Variants in MRPL42 observed in about 807,000 individuals in gnomAD.
MRPL42 encodes the protein mitochondrial ribosomal protein L42.
MRPL42 carries 17 observed loss-of-function variants against 17.9 expected under a neutral mutation model. That is an observed-to-expected ratio of 0.95 (90% confidence interval 0.65 to 1.42). The LOEUF (loss-of-function observed/expected upper bound fraction) is 1.42. Ranked by LOEUF, MRPL42 falls within the 40% of genes most tolerant of loss-of-function variation. The pLI is 0.00. For synonymous variants in MRPL42, 59 were observed against 54.4 expected, an observed-to-expected ratio of 1.08 and a Z score of -0.37; for missense variants, 177 against 175.2, an observed-to-expected ratio of 1.01 and a Z score of -0.06.
intron 5 of MRPL42, among the ~76,000 whole-genome samples, chr12:93,499,611 A>T (rs1269628002): frequency 6.6e-6 from 1 of 152,100 alleles, no homozygotes; most frequent in East Asian, 1.9e-4. Context: ...AACCTTTTAG[A>T]AAAAAACAGA....
In MRPL42 at chr12:93,502,009, C is replaced by T. The variant is rs1316561956; in HGVS notation, c.*788C>T. 3 of 150,872 alleles carry T rather than the reference C, an allele frequency of 2.0e-5. No homozygotes were observed. The highest frequency in any genetic ancestry group is 1.5e-5 in the Non-Finnish European group (1 of 67,494). 9.3% of individuals were successfully genotyped at this position (150,872 alleles called of 1,614,324 possible). A position where few individuals can be genotyped will look rare whatever the true frequency, so the allele number is the denominator to read the frequency against. On this transcript the variant is annotated 3_prime_UTR_variant, in exon 6 of 6. Transcript: ENST00000549982. ...ATTTTACAGTGACTCGAACCTTACC[C>T]AAACAAGTGGGAGAGCCAGGAGCCA... is the stretch of plus-strand genomic sequence containing the variant.
At chr12:93,490,412 G>T (rs1953389797) in intron 5 of MRPL42, among the ~76,000 whole-genome samples, 1 of 152,046 alleles carries the variant, frequency 6.6e-6, no homozygotes, top group South Asian at 2.1e-4. Flanking sequence ...TCCTAATAAA[G>T]AGCTTGGCAG....
At chr12:93,482,143 G>T (rs1461679760) in intron 4 of MRPL42, among the ~76,000 whole-genome samples, 5 of 152,118 alleles carry the variant, frequency 3.3e-5, no homozygotes, top group Non-Finnish European at 7.4e-5. Context: ...GCTGTATTAG[G>T]TGAGCTCTCC....
chr12:93,494,405 T>G (rs967835727), intron 5 of MRPL42, among the ~76,000 whole-genome samples: 1 of 152,134 alleles, frequency 6.6e-6, no homozygotes, highest in Admixed American at 6.5e-5. Flanking sequence ...ATTTTGGAGA[T>G]AGAGCTAACA....
rs1470649479 is a variant in MRPL42, at chr12:93,508,996, T to C, written c.*7775T>C. 6.6e-6 allele frequency: 1 copy of C among 152,150 alleles called. No homozygotes were observed. 9.4% of individuals were successfully genotyped at this position (152,150 alleles called of 1,614,324 possible). ...TGAGGTCAGGAGTTTGAGACCAGCC[T>C]AGCTAACATGGTGAAACCCCGTCTC... On this transcript the variant is annotated 3_prime_UTR_variant, in exon 6 of 6. Coordinates refer to ENST00000549982, the MANE Select transcript of MRPL42 (RefSeq NM_014050.4).
At chr12:93,473,682 C>T (rs540500964) in intron 2 of MRPL42, among the ~76,000 whole-genome samples, 108 of 152,262 alleles carry the variant, frequency 7.1e-4, no homozygotes, top group African/African-American at 2.6e-3. Context: ...CTACCCACCT[C>T]AGCCTCCCAA....
chr12:93,470,519 A>G, intron 2 of MRPL42: 3 of 1,293,722 alleles, frequency 2.3e-6, no homozygotes, highest in Non-Finnish European at 3.1e-6. Flanking sequence ...TGTTACGTGG[A>G]TGTATTACAT....
chr12:93,506,260 C>CTTTTTGTTT lies in MRPL42; in HGVS notation c.*5044_*5045insGTTTTTTTT, dbSNP rs1953668044. On this transcript the variant is annotated 3_prime_UTR_variant, in exon 6 of 6. Transcript: ENST00000549982. ...AGTCTTCAATTCAGCAAGAATGTCT[C>CTTTTTGTTT]TTTTTTTTTTTTTTTTTTTTTTGGG... The CTTTTTGTTT allele has an allele frequency of 1.1e-5, 1 of 87,860 alleles. No homozygotes were observed. The highest frequency in any genetic ancestry group is 2.0e-5 in the Non-Finnish European group (1 of 49,746). The allele number at this position is 87,860 out of a possible 1,614,324, so 5.4% of individuals were successfully genotyped here.
intron 2 of MRPL42, chr12:93,470,493 C>T (rs779911909): frequency 1.2e-4 from 150 of 1,283,852 alleles, no homozygotes; most frequent in Non-Finnish European, 1.4e-4. Flanking sequence ...TAGATTCGGG[C>T]GTACATGTGC....
intron 1 of MRPL42, among the ~76,000 whole-genome samples, chr12:93,468,239 G>T (rs774491617): frequency 1.6e-4 from 24 of 152,184 alleles, no homozygotes; most frequent in Middle Eastern, 6.3e-3. Flanking sequence ...GGCAGTGCAA[G>T]GTATCAGTGT....
chr12:93,499,858 G>C (rs919297014), intron 5 of MRPL42, among the ~76,000 whole-genome samples: 9 of 152,206 alleles, frequency 5.9e-5, no homozygotes, highest in African/African-American at 1.9e-4. Flanking sequence ...AACAACTAAA[G>C]ATCACAGGGT....
chr12:93,470,468 T>G (rs1459477292), intron 2 of MRPL42: 2 of 1,277,808 alleles, frequency 1.6e-6, no homozygotes, highest in East Asian at 5.6e-5. Context: ...AACTTTTTAT[T>G]TTTATTTTTT....
In MRPL42 at chr12:93,511,125, ATTC is replaced by A. The variant is rs1953721885; in HGVS notation, c.*9908_*9910del. The A allele has an allele frequency of 2.0e-5, 3 of 152,338 alleles. No individual in the cohort carries two copies. The highest frequency in any genetic ancestry group is 3.4e-3 in the Middle Eastern group (1 of 294). The allele number at this position is 152,338 out of a possible 1,614,324, so 9.4% of individuals were successfully genotyped here. Reference sequence around the variant, plus strand: ...TGTTCTAGTTTTACTCATAAATATAATTCTTCATATACTGAGTTCAGTTTTTTA... The same window carrying A: ...TGTTCTAGTTTTACTCATAAATATAATTCATATACTGAGTTCAGTTTTTTA... On this transcript the variant is annotated 3_prime_UTR_variant, in exon 6 of 6. Coordinates refer to ENST00000549982, the MANE Select transcript of MRPL42 (RefSeq NM_014050.4).
At position 93,479,719 on chromosome 12, in the gene MRPL42, T is replaced by C. The variant is rs529012606; in HGVS notation, c.219+247T>C. ...GCATCAGTTTTCTGGTCTAAAAAAT[T>C]TGGTAGATTTCTGGTTAAGGATCAA... On this transcript the variant is annotated intron_variant, in intron 4 of 5. Transcript: ENST00000549982. Among the ~76,000 whole-genome samples, 22 of 152,246 alleles carry C rather than the reference T, an allele frequency of 1.4e-4. No individual in the cohort carries two copies. The South Asian group carries it at 4.6e-3, about 32-fold the overall frequency.
rs1002213686 is a variant in MRPL42 at position 93,509,938 on chromosome 12, A to G, written c.*8717A>G. On this transcript the variant is annotated 3_prime_UTR_variant, in exon 6 of 6. Coordinates refer to ENST00000549982, the MANE Select transcript of MRPL42 (RefSeq NM_014050.4). Reference sequence around the variant, plus strand: ...CATTGGTTACAATTGATAAACCTACACTGACACATCATTATCACCCAAAGC... The same window carrying G: ...CATTGGTTACAATTGATAAACCTACGCTGACACATCATTATCACCCAAAGC... 2.0e-5 allele frequency: 3 copies of G among 152,138 alleles called. No individual in the cohort carries two copies. The highest frequency in any genetic ancestry group is 4.4e-5 in the Non-Finnish European group (3 of 68,044). 9.4% of individuals were successfully genotyped at this position (152,138 alleles called of 1,614,324 possible).
chr12:93,468,279 C>A (rs946005633), intron 1 of MRPL42, among the ~76,000 whole-genome samples: 3 of 149,704 alleles, frequency 2.0e-5, no homozygotes, highest in African/African-American at 7.4e-5. Flanking sequence ...ATAAGAGGGC[C>A]TGTGTCCTAA....
In MRPL42 at chr12:93,503,998, T is replaced by A. The variant is rs1953634593; in HGVS notation, c.*2777T>A. 1.1e-5 allele frequency: 1 copy of A among 89,232 alleles called. No homozygotes were observed. Among genetic ancestry groups the A allele is most frequent in the Non-Finnish European group, 2.7e-5 (1 of 37,216 alleles). The allele number at this position is 89,232 out of a possible 1,614,324, so 5.5% of individuals were successfully genotyped here. A position where few individuals can be genotyped will look rare whatever the true frequency, so the allele number is the denominator to read the frequency against. On this transcript the variant is annotated 3_prime_UTR_variant, in exon 6 of 6. Coordinates refer to ENST00000549982, the MANE Select transcript of MRPL42 (RefSeq NM_014050.4). Reference sequence around the variant, plus strand: ...TTTTTTATTTTTTTTTTAAATTTATTTCTTCTTTTTTTTTTCTTATAATCT... The same window carrying A: ...TTTTTTATTTTTTTTTTAAATTTATATCTTCTTTTTTTTTTCTTATAATCT...
At chr12:93,490,130 A>G (rs550261372) in intron 5 of MRPL42, among the ~76,000 whole-genome samples, 7 of 152,264 alleles carry the variant, frequency 4.6e-5, no homozygotes, top group Admixed American at 1.3e-4. Context: ...TATTGCTACA[A>G]TCTGTTTTAA....
At chr12:93,478,292 GACTGGAGTGCAGTGGC>G (rs1385799058) in intron 3 of MRPL42, among the ~76,000 whole-genome samples, 1 of 151,962 alleles carries the variant, frequency 6.6e-6, no homozygotes, top group African/African-American at 2.4e-5. Flanking sequence ...TTGTCACCCA[GACTGGAGTGCAGTGGC>G]GCTATGTCAG....
Sources: allele counts gnomAD v4.1 joint callset (sites outside exome capture counted in the v4.1 genomes callset), GRCh38; gene constraint gnomAD v4.1.1; transcripts MANE v1.5; gene names NCBI Gene and HGNC (gene_info 2026-07-23, HGNC 2026-07-21).